ABHD2: variants seen among roughly 807,000 people sequenced by gnomAD.
ABHD2 encodes the protein abhydrolase domain containing 2, acylglycerol lipase.
In ABHD2, 20 loss-of-function variants were observed where a neutral mutation model predicts 48.1. The observed-to-expected ratio is 0.42, with a 90% CI of 0.29 to 0.60. The LOEUF is 0.60. Among genes scored for constraint, ABHD2 ranks in the 20% least tolerant of loss-of-function variants. ABHD2 has a pLI of 0.24. For synonymous variants in ABHD2, 209 were observed against 214.2 expected, an observed-to-expected ratio of 0.98 and a Z score of 0.21; for missense variants, 405 against 550.9, an observed-to-expected ratio of 0.74 and a Z score of 2.65.
At position 89,104,521 on chromosome 15, in the gene ABHD2, G is replaced by A. The variant is rs548769029; in HGVS notation, c.-106-9204G>A. On this transcript the variant is annotated intron_variant, in intron 1 of 10. Transcript: ENST00000352732. The surrounding 1 kb of genome is among the most constrained non-coding windows in gnomAD (Gnocchi z 4.4). Reference sequence around the variant, plus strand: ...CACAGTGTGTATTAGCCAAGTACTGGGGGCACTGGGAGCCTTGTCTGCTCC... The same window carrying A: ...CACAGTGTGTATTAGCCAAGTACTGAGGGCACTGGGAGCCTTGTCTGCTCC... 7.9e-5 allele frequency among the ~76,000 whole-genome samples: 12 copies of A among 152,292 alleles called. No individual in the cohort carries two copies. The highest frequency in any genetic ancestry group is 2.9e-4 in the African/African-American group (12 of 41,560).
chr15:89,115,337 A>G (rs1401038267), intron 2 of ABHD2, among the ~76,000 whole-genome samples: 1 of 132,194 alleles, frequency 7.6e-6, no homozygotes, highest in Non-Finnish European at 1.6e-5. Context: ...TGCTTTTGTC[A>G]TTGCTTATGT....
chr15:89,169,882 T>C (rs1178192430), intron 5 of ABHD2, among the ~76,000 whole-genome samples: 1 of 152,084 alleles, frequency 6.6e-6, no homozygotes, highest in Non-Finnish European at 1.5e-5. Context: ...CTAGATCTTT[T>C]TCCTACCCTA....
rs2150965318 is a variant in ABHD2 at position 89,201,875 on chromosome 15, GC to G, written c.*6453del. The G allele has an allele frequency of 1.4e-6, 1 of 715,320 alleles. No homozygotes were observed. The highest frequency in any genetic ancestry group is 2.7e-5 in the East Asian group (1 of 37,570). 44.3% of individuals were successfully genotyped at this position (715,320 alleles called of 1,614,324 possible). On this transcript the variant is annotated 3_prime_UTR_variant, in exon 11 of 11. Coordinates refer to ENST00000352732, the MANE Select transcript of ABHD2 (RefSeq NM_152924.5). ...GGACGATGGCGAGAGGGGAGGGGGA[GC>G]GAGTTCGCATCTCTCCTTTTCCTGG...
the ABHD2 span, among the ~76,000 whole-genome samples, chr15:89,073,816 C>G: frequency 7.2e-5 from 11 of 152,256 alleles, no homozygotes; most frequent in South Asian, 2.3e-3. Context: ...AGCGGTGGGT[C>G]TCAAACTTGA....
At chr15:89,148,027 G>C (rs531901036) in intron 3 of ABHD2, among the ~76,000 whole-genome samples, 122 of 142,700 alleles carry the variant, frequency 8.5e-4, no homozygotes, top group African/African-American at 3.1e-3. Context: ...GCTGAGGCAA[G>C]AGAATCTGTT....
intron 3 of ABHD2, among the ~76,000 whole-genome samples, chr15:89,122,618 C>G (rs1309333094): frequency 6.6e-6 from 1 of 152,200 alleles, no homozygotes; most frequent in Non-Finnish European, 1.5e-5. Context: ...TAAGGCAGGA[C>G]AACCCCAGGC....
Position 89,176,084 on chromosome 15 carries a change from C to T in ABHD2, c.722+89C>T, listed in dbSNP as rs2051008236. On this transcript the variant is annotated intron_variant, in intron 6 of 10. Transcript: ENST00000352732. This position sits in a 1 kb window ranked among gnomAD's most constrained non-coding sequence, Gnocchi z 4.5. ...GCACAACACACTGTTCTGTGAAGAC[C>T]GGGGAACACTGTGGCCGACTGAGTA... The T allele has an allele frequency of 7.4e-6, 10 of 1,359,024 alleles. No individual in the cohort carries two copies. Among genetic ancestry groups the T allele is most frequent in the Non-Finnish European group, 9.0e-6 (9 of 1,001,894 alleles). 84.2% of individuals were successfully genotyped at this position (1,359,024 alleles called of 1,614,324 possible). A position where few individuals can be genotyped will look rare whatever the true frequency, so the allele number is the denominator to read the frequency against.
chr15:89,041,622 G>A, the ABHD2 span, among the ~76,000 whole-genome samples: 1 of 152,182 alleles, frequency 6.6e-6, no homozygotes, highest in Admixed American at 6.5e-5. Context: ...CCTCTGTCCG[G>A]GCATCTGGGT....
At chr15:89,159,798 A>C (rs575979741) in intron 5 of ABHD2, among the ~76,000 whole-genome samples, 1 of 151,948 alleles carries the variant, frequency 6.6e-6, no homozygotes, top group South Asian at 2.1e-4. Flanking sequence ...ATTTTATTTC[A>C]TCAGAATTTT....
At chr15:89,049,472 G>A in the ABHD2 span, among the ~76,000 whole-genome samples, 2 of 152,354 alleles carry the variant, frequency 1.3e-5, no homozygotes, top group Middle Eastern at 3.4e-3. Context: ...GCAATGGCGG[G>A]CGCCCCTCCC....
the ABHD2 span, among the ~76,000 whole-genome samples, chr15:89,055,982 G>C: frequency 1.3e-5 from 2 of 152,098 alleles, no homozygotes; most frequent in East Asian, 3.9e-4. Context: ...TCCTGCCTCA[G>C]CCTCCTGAGT....
rs192520435 is a variant in ABHD2 at position 89,188,314 on chromosome 15, G to C, written c.926+11G>C. On this transcript the variant is annotated intron_variant, in intron 8 of 10. Coordinates refer to ENST00000352732, the MANE Select transcript of ABHD2 (RefSeq NM_152924.5). This position sits in a 1 kb window ranked among gnomAD's most constrained non-coding sequence, Gnocchi z 4.1. ...TGACAATGTGATGAGGTGTGTCCGC[G>C]CAGGCGGGAGAGGGACGCTCTGGGG... 5.6e-6 allele frequency: 9 copies of C among 1,612,926 alleles called. No homozygotes were observed. The South Asian group carries it at 8.8e-5, about 16-fold the overall frequency.
At chr15:89,076,640 T>A in the ABHD2 span, among the ~76,000 whole-genome samples, 2 of 152,046 alleles carry the variant, frequency 1.3e-5, no homozygotes, top group African/African-American at 2.4e-5. Context: ...CATGCCACCA[T>A]GTCCAGCTAC....
chr15:89,165,600 T>A (rs902429750), intron 5 of ABHD2, among the ~76,000 whole-genome samples: 18 of 150,552 alleles, frequency 1.2e-4, no homozygotes, highest in East Asian at 7.8e-4. Flanking sequence ...AAAAAAAAAT[T>A]TTTTTAACTA....
In ABHD2 at chr15:89,199,703, G is replaced by A. The variant is rs2051447204; in HGVS notation, c.*4280G>A. 6.6e-6 allele frequency: 1 copy of A among 152,038 alleles called. No homozygotes were observed. The highest frequency in any genetic ancestry group is 1.5e-5 in the Non-Finnish European group (1 of 68,012). The allele number at this position is 152,038 out of a possible 1,614,324, so 9.4% of individuals were successfully genotyped here. ...TGTTCAAAGCCACTTTGGATTGCTTGGATGCTTCGAACAGCCATGAAAAGT... is the reference window on the plus strand; with the variant it reads ...TGTTCAAAGCCACTTTGGATTGCTTAGATGCTTCGAACAGCCATGAAAAGT... On this transcript the variant is annotated 3_prime_UTR_variant, in exon 11 of 11. Transcript: ENST00000352732. This position sits in a 1 kb window ranked among gnomAD's most constrained non-coding sequence, Gnocchi z 4.1.
At chr15:89,193,175 A>C in intron 9 of ABHD2, 60 bp from the exon 10 acceptor site, 1 of 1,530,228 alleles carries the variant, frequency 6.5e-7, no homozygotes. Context: ...TGAGCCTTGA[A>C]TCGATGGGGT....
chr15:89,106,853 G>A lies in ABHD2; in HGVS notation c.-106-6872G>A, dbSNP rs2049794232. 6.6e-6 allele frequency among the ~76,000 whole-genome samples: 1 copy of A among 152,090 alleles called. No individual in the cohort carries two copies. Among genetic ancestry groups the A allele is most frequent in the Admixed American group, 6.6e-5 (1 of 15,258 alleles). ...TGAATGTGACCTTATTTGGAAATTG[G>A]GTCTTTGCAGATGTAATCAAGTTAA... On this transcript the variant is annotated intron_variant, in intron 1 of 10. Coordinates refer to ENST00000352732, the MANE Select transcript of ABHD2 (RefSeq NM_152924.5). This position sits in a 1 kb window ranked among gnomAD's most constrained non-coding sequence, Gnocchi z 4.2.
intron 6 of ABHD2, among the ~76,000 whole-genome samples, chr15:89,183,135 C>A (rs1399614665): frequency 1.3e-5 from 2 of 151,876 alleles, no homozygotes; most frequent in Non-Finnish European, 2.9e-5. Context: ...AGCAATAATT[C>A]CCTAATAGCA....
intron 1 of ABHD2, among the ~76,000 whole-genome samples, chr15:89,109,441 C>A (rs562813558): frequency 2.6e-5 from 4 of 152,094 alleles, no homozygotes; most frequent in African/African-American, 9.7e-5. Context: ...GAAGCCCAGC[C>A]CATCATGAAG....
Sources: gnomAD v4.1 joint callset for allele counts (sites outside exome capture counted in the v4.1 genomes callset) on GRCh38, gnomAD v4.1.1 for gene constraint, Gnocchi (gnomAD v3.1) non-coding constraint, MANE v1.5 for transcripts, NCBI Gene and HGNC (gene_info 2026-07-23, HGNC 2026-07-21) for gene names.